KMT2E: variants seen among roughly 807,000 people sequenced by gnomAD.
KMT2E encodes lysine methyltransferase 2E (inactive).
In KMT2E, 30 loss-of-function variants were observed where a neutral mutation model predicts 184.6. That is an observed-to-expected ratio of 0.16 (90% confidence interval 0.12 to 0.22). The LOEUF (loss-of-function observed/expected upper bound fraction) is 0.22. KMT2E is among the 10% of genes least tolerant of loss of function. The probability of loss-of-function intolerance (pLI) is 1.00; values close to 1 mark genes in which losing one functional copy is unlikely to be tolerated. For synonymous variants in KMT2E, 815 were observed against 776.5 expected (o/e 1.05, Z -0.82); for missense variants, 2,023 against 2,237.4 (o/e 0.90, Z 1.93).
At position 105,107,594 on chromosome 7, in the gene KMT2E, G is replaced by A. The variant is rs202044129; in HGVS notation, c.3137G>A (p.Arg1046Lys). ...HKTLETPAHD[R>K]AEPNSQLDST... ...ACCCTGGAAACGCCTGCACATGACA[G>A]GGCTGAGCCCAACAGCCAACTGGAC... Residue 1046 changes from arginine to lysine, a missense_variant, in exon 22 of 27, where the codon AGG becomes AAG. Coordinates refer to ENST00000311117, the MANE Select transcript of KMT2E (RefSeq NM_182931.3). 1.4e-5 allele frequency: 23 copies of A among 1,613,986 alleles called. No individual in the cohort carries two copies. Among genetic ancestry groups the A allele is most frequent in the African/African-American group, 2.7e-5 (2 of 74,914 alleles).
chr7:105,031,444 T>G (rs570222166), intron 1 of KMT2E, among the ~76,000 whole-genome samples: 1 of 150,748 alleles, frequency 6.6e-6, no homozygotes, highest in East Asian at 2.0e-4. Context: ...AACCTGCTCT[T>G]ATTTGGTTAT....
intron 6 of KMT2E, among the ~76,000 whole-genome samples, chr7:105,068,121 G>A (rs974240722): frequency 2.0e-5 from 3 of 152,154 alleles, no homozygotes; most frequent in East Asian, 3.8e-4. Context: ...TACCATTACA[G>A]TGTGCATGTT....
At chr7:105,087,565 A>G (rs1019857264) in intron 13 of KMT2E, among the ~76,000 whole-genome samples, 2 of 151,422 alleles carry the variant, frequency 1.3e-5, no homozygotes, top group African/African-American at 4.8e-5. Context: ...CTGGGACTGC[A>G]GGCGCACACT....
In KMT2E at chr7:105,077,017, A is replaced by G. The variant is rs1279300578; in HGVS notation, c.823A>G (p.Thr275Ala). The change falls in exon 10 of 27, where the codon ACA (threonine) becomes GCA (alanine). Residue 275 changes from threonine (T) to alanine (A), a missense_variant. Thr to Ala is a moderately conservative substitution (Grantham distance 58). Transcript: ENST00000311117. ...TGATGGTTCAAATTTTGGATGGGAG[A>G]CAAAGATCAAAGCATGGATGGATCG... ...SSDGSNFGWE[T>A]KIKAWMDRYE... 1.9e-6 allele frequency: 3 copies of G among 1,613,864 alleles called. No homozygotes were observed. The highest frequency in any genetic ancestry group is 1.7e-5 in the Admixed American group (1 of 59,954).
rs1460201627 is a variant in KMT2E at position 105,071,534 on chromosome 7, TTGTGTGTGTATG to T, written c.498-2071_498-2060del. Among the ~76,000 whole-genome samples the T allele has an allele frequency of 4.2e-5, 6 of 142,860 alleles. No individual in the cohort carries two copies. The South Asian group carries it at 9.0e-4, about 21-fold the overall frequency. The allele number at this position is 142,860 out of a possible 152,430, so 93.7% of individuals were successfully genotyped here. On this transcript the variant is annotated intron_variant, in intron 6 of 26. Transcript: ENST00000311117. ...GCATGAGCCACCACACCCTGCTAAT[TTGTGTGTGTATG>T]TGTGTGTGTATGTATGTATGTATGT...
intron 22 of KMT2E, 37 bp from the exon 23 acceptor site, chr7:105,108,905 A>G (rs768610633): frequency 6.5e-7 from 1 of 1,537,038 alleles, no homozygotes; most frequent in Non-Finnish European, 8.8e-7. Context: ...AAAAACAAGA[A>G]TAAAAGATTT....
intron 3 of KMT2E, among the ~76,000 whole-genome samples, chr7:105,054,548 C>T (rs986051044): frequency 6.6e-6 from 1 of 151,876 alleles, no homozygotes; most frequent in African/African-American, 2.4e-5. Context: ...TGGAGTTTTG[C>T]TCTTGTTGCC....
intron 5 of KMT2E, 138 bp downstream of exon 5, chr7:105,063,718 C>G: frequency 1.6e-6 from 1 of 616,268 alleles, no homozygotes; most frequent in Non-Finnish European, 2.7e-6. Context: ...TTGATGCAGT[C>G]CTAGAAAAAG....
chr7:105,067,192 C>A (rs1665892587), intron 6 of KMT2E, among the ~76,000 whole-genome samples: 1 of 151,220 alleles, frequency 6.6e-6, no homozygotes, highest in Non-Finnish European at 1.5e-5. Context: ...TCTGACAACT[C>A]TAAAATCAGG....
At chr7:105,097,174 A>T (rs141593966) in intron 15 of KMT2E, among the ~76,000 whole-genome samples, 2 of 152,220 alleles carry the variant, frequency 1.3e-5, no homozygotes, top group African/African-American at 4.8e-5. Flanking sequence ...AGAATATGCA[A>T]TGCTTTAATA....
At chr7:105,108,801 G>A in intron 22 of KMT2E, 141 bp from the exon 23 acceptor site, 1 of 707,704 alleles carries the variant, frequency 1.4e-6, no homozygotes, top group African/African-American at 1.8e-5. Context: ...TTTGGTAATT[G>A]TTAATTATTT....
chr7:105,030,887 A>G (rs919260805), intron 1 of KMT2E, among the ~76,000 whole-genome samples: 1 of 152,254 alleles, frequency 6.6e-6, no homozygotes, highest in Non-Finnish European at 1.5e-5. Context: ...CAGTATCATC[A>G]GAAAGATTTG....
intron 1 of KMT2E, among the ~76,000 whole-genome samples, chr7:105,016,935 A>T (rs903580858): frequency 1.3e-5 from 2 of 152,236 alleles, no homozygotes; most frequent in African/African-American, 2.4e-5. Flanking sequence ...GACTGAGCAC[A>T]CAACCTTACT....
In KMT2E at chr7:105,034,886, C is replaced by T. The variant is rs533932750; in HGVS notation, c.-188-3240C>T. On this transcript the variant is annotated intron_variant, in intron 1 of 26. Transcript: ENST00000311117. ...TGGGGGGGTGGGGGGATGGAGTTTT[C>T]GCTTTGTCACCCAGTCTGGAGTGCA... Among the ~76,000 whole-genome samples, 164 of 151,464 alleles carry T rather than the reference C, an allele frequency of 1.1e-3. 3 individuals carry two copies. The Middle Eastern group carries it at 0.02, about 19-fold the overall frequency.
At chr7:105,064,718 A>G (rs1488428093) in intron 5 of KMT2E, among the ~76,000 whole-genome samples, 2 of 152,038 alleles carry the variant, frequency 1.3e-5, no homozygotes, top group Non-Finnish European at 2.9e-5. Flanking sequence ...CCTGTAATAC[A>G]TTCTACCATG....
intron 13 of KMT2E, among the ~76,000 whole-genome samples, chr7:105,087,870 CT>C (rs901417693): frequency 3.0e-5 from 3 of 101,098 alleles, no homozygotes; most frequent in Admixed American, 1.1e-4. Flanking sequence ...ATTCTGTAGT[CT>C]TTTGGGTTAT....
intron 19 of KMT2E, 97 bp from the exon 20 acceptor site, chr7:105,106,425 C>A: frequency 1.7e-6 from 2 of 1,158,710 alleles, no homozygotes. Flanking sequence ...GTCATAACTG[C>A]CATTGTTTAT....
rs1340347967 is a variant in KMT2E at position 105,113,156 on chromosome 7, A to G, written c.5400A>G (p.Pro1800=). Residue 1800 remains proline (P), a synonymous_variant, in exon 27 of 27, where the codon CCA becomes CCG. Transcript: ENST00000311117. The stretch of plus-strand genomic sequence containing the variant: ...GTCCTCATCTCCAGCCCCAAGGACC[A>G]AACAGTATTCCAACACCTACTGCTT... The part of the protein sequence containing the change: ...VTGPHLQPQG[P]NSIPTPTASG... The G allele has an allele frequency of 6.2e-7, 1 of 1,614,200 alleles. No individual in the cohort carries two copies. Among genetic ancestry groups the G allele is most frequent in the Non-Finnish European group, 8.5e-7 (1 of 1,180,032 alleles).
intron 1 of KMT2E, among the ~76,000 whole-genome samples, chr7:105,015,413 A>G (rs1584676641): frequency 1.3e-5 from 2 of 152,244 alleles, no homozygotes; most frequent in Non-Finnish European, 2.9e-5. Context: ...GAACGATACA[A>G]TTTAAAGTCA....
Sources: gnomAD v4.1 joint callset for allele counts (sites outside exome capture counted in the v4.1 genomes callset) on GRCh38, gnomAD v4.1.1 for gene constraint, MANE v1.5 for transcripts, NCBI Gene and HGNC (gene_info 2026-07-23, HGNC 2026-07-21) for gene names.